HIBCH: variants seen among roughly 807,000 people sequenced by gnomAD.
HIBCH encodes 3-hydroxyisobutyryl-CoA hydrolase, mitochondrial.
A neutral mutation model predicts 58.2 loss-of-function variants in HIBCH; 50 were observed. The observed-to-expected ratio is 0.86, with a 90% CI of 0.68 to 1.09. The LOEUF (loss-of-function observed/expected upper bound fraction) is 1.09. Among genes scored for constraint, HIBCH ranks in the 50% least tolerant of loss-of-function variants. The pLI, the probability that HIBCH is intolerant of heterozygous loss-of-function variation, is 0.00. For synonymous variants in HIBCH, 151 were observed against 146.9 expected (o/e 1.03, Z -0.20); for missense variants, 450 against 449.7 (o/e 1.00, Z -0.01).
At chr2:190,227,065 T>C (rs539714577) in intron 11 of HIBCH, among the ~76,000 whole-genome samples, 2 of 152,146 alleles carry the variant, frequency 1.3e-5, no homozygotes, top group Non-Finnish European at 2.9e-5. Flanking sequence ...CTTCACAGAA[T>C]TGGAAAAAAC....
chr2:190,239,723 C>G lies in HIBCH; in HGVS notation c.891+5164G>C, dbSNP rs370906382. Among the ~76,000 whole-genome samples the G allele has an allele frequency of 4.7e-5, 7 of 148,736 alleles. No individual in the cohort carries two copies. The East Asian group carries it at 9.9e-4, about 21-fold the overall frequency. ...GGAGTGCAATGGTATGGTCTCAGGTCACTGCAACCTCCGCCTCCTGGGCTC... is the reference window on the plus strand; with the variant it reads ...GGAGTGCAATGGTATGGTCTCAGGTGACTGCAACCTCCGCCTCCTGGGCTC... On this transcript the variant is annotated intron_variant, in intron 11 of 13. Transcript: ENST00000359678.
At chr2:190,200,169 T>C (rs1407407458), downstream of HIBCH, 1 of 1,602,134 alleles carries the variant, frequency 6.2e-7, no homozygotes, top group Non-Finnish European at 8.5e-7. Flanking sequence ...TGACAACACT[T>C]TGACTGTGGA....
At chr2:190,278,656 G>C (rs566169223) in intron 6 of HIBCH, among the ~76,000 whole-genome samples, 1 of 147,168 alleles carries the variant, frequency 6.8e-6, no homozygotes, top group Non-Finnish European at 1.5e-5. Context: ...CTTCACATTG[G>C]TAACACCAGG....
intron 5 of HIBCH, among the ~76,000 whole-genome samples, chr2:190,288,174 T>TAAAAAA (rs72480573): frequency 0.016 from 2,355 of 144,882 alleles, 78 homozygotes; most frequent in African/African-American, 0.043. Flanking sequence ...TTTTTTTTTT[T>TAAAAAA]AAAAAAAGGA....
At chr2:190,201,937 C>T (rs1384379315), downstream of HIBCH, 1 of 166,920 alleles carries the variant, frequency 6.0e-6, no homozygotes, top group African/African-American at 2.4e-5. Flanking sequence ...CACACCAAGA[C>T]ATTTTTGCTG....
chr2:190,226,125 T>C (rs1575705369), intron 11 of HIBCH, among the ~76,000 whole-genome samples: 1 of 152,298 alleles, frequency 6.6e-6, no homozygotes, highest in African/African-American at 2.4e-5. Context: ...ATCAGAGCTA[T>C]TTATGACAAA....
chr2:190,225,285 G>A (rs999435757), intron 11 of HIBCH, among the ~76,000 whole-genome samples: 14 of 152,220 alleles, frequency 9.2e-5, no homozygotes, highest in African/African-American at 3.4e-4. Flanking sequence ...AGAACTGAAG[G>A]AAATAGAGAC....
intron 6 of HIBCH, among the ~76,000 whole-genome samples, chr2:190,261,693 TCTTTGA>T (rs1687091662): frequency 6.6e-6 from 1 of 152,204 alleles, no homozygotes; most frequent in Non-Finnish European, 1.5e-5. Context: ...CTAGCTGACC[TCTTTGA>T]CTTTATCTCC....
At chr2:190,301,904 C>T (rs1241853173) in intron 2 of HIBCH, among the ~76,000 whole-genome samples, 5 of 152,168 alleles carry the variant, frequency 3.3e-5, no homozygotes, top group Non-Finnish European at 7.3e-5. Flanking sequence ...GGGGTGCTCA[C>T]GACTTACCAC....
chr2:190,213,939 A>AAT (rs1200892655), intron 11 of HIBCH: 1 of 152,168 alleles, frequency 6.6e-6, no homozygotes, highest in Non-Finnish European at 1.5e-5. Flanking sequence ...ACCGTCATTA[A>AAT]AAGTCTCGCT....
In HIBCH at chr2:190,207,828, C is replaced by G. The variant is rs1466126970; in HGVS notation, c.1045+1052G>C. 6.6e-6 allele frequency among the ~76,000 whole-genome samples: 1 copy of G among 151,980 alleles called. No homozygotes were observed. Among genetic ancestry groups the G allele is most frequent in the Admixed American group, 6.6e-5 (1 of 15,262 alleles). On this transcript the variant is annotated intron_variant, in intron 13 of 13. Coordinates refer to ENST00000359678, the MANE Select transcript of HIBCH (RefSeq NM_014362.4). The surrounding 1 kb of genome is among the most constrained non-coding windows in gnomAD (Gnocchi z 4.5). ...CCTGGGAGGTGGAGGTTGCAGTAAGCCGAAAGTGCACCACTGCACTCCAGC... is the reference window on the plus strand; with the variant it reads ...CCTGGGAGGTGGAGGTTGCAGTAAGGCGAAAGTGCACCACTGCACTCCAGC...
chr2:190,311,282 G>A (rs935851648), intron 1 of HIBCH, among the ~76,000 whole-genome samples: 5 of 152,146 alleles, frequency 3.3e-5, no homozygotes, highest in Admixed American at 1.3e-4. Flanking sequence ...TTTGGGGGAC[G>A]GAAGGAGGGA....
chr2:190,293,937 TAAAGAG>T (rs1484361642), intron 4 of HIBCH, among the ~76,000 whole-genome samples: 2 of 149,846 alleles, frequency 1.3e-5, no homozygotes, highest in African/African-American at 4.9e-5. Flanking sequence ...TTATGAAAAA[TAAAGAG>T]AGTTTCTCTT....
intron 2 of HIBCH, 54 bp downstream of exon 2, chr2:190,310,700 A>G (rs1559066439): frequency 1.5e-6 from 2 of 1,369,840 alleles, no homozygotes; most frequent in Admixed American, 1.7e-5. Flanking sequence ...TCTAACAATG[A>G]CATTTTAAGT....
rs546991609 is a variant in HIBCH at position 190,227,497 on chromosome 2, G to A, written c.892-14422C>T. The stretch of plus-strand genomic sequence containing the variant: ...AGAAAACCTAGGCAATACCATTCAG[G>A]CCATAGGCATGGGCAAGGACTTCAT... On this transcript the variant is annotated intron_variant, in intron 11 of 13. Coordinates refer to ENST00000359678, the MANE Select transcript of HIBCH (RefSeq NM_014362.4). 6.6e-5 allele frequency among the ~76,000 whole-genome samples: 10 copies of A among 152,230 alleles called. No individual in the cohort carries two copies. The South Asian group carries it at 1.9e-3, about 28-fold the overall frequency.
rs546469240 is a variant in HIBCH, at chr2:190,227,322, T to C, written c.892-14247A>G. ...GTGACAAAAAGAAGAAATGGGGAAA[T>C]GATTCCCTATTTAATAAATGGTGCT... On this transcript the variant is annotated intron_variant, in intron 11 of 13. Coordinates refer to ENST00000359678, the MANE Select transcript of HIBCH (RefSeq NM_014362.4). 2.0e-5 allele frequency among the ~76,000 whole-genome samples: 3 copies of C among 152,210 alleles called. No homozygotes were observed. The East Asian group carries it at 5.8e-4, about 29-fold the overall frequency.
At chr2:190,256,458 AT>A (rs1336598486) in intron 7 of HIBCH, among the ~76,000 whole-genome samples, 13 of 151,256 alleles carry the variant, frequency 8.6e-5, no homozygotes, top group South Asian at 2.1e-4. Context: ...AAAAAAAAAA[AT>A]AATAATAATA....
chr2:190,250,797 T>C (rs1308859179), intron 8 of HIBCH, among the ~76,000 whole-genome samples: 1 of 152,182 alleles, frequency 6.6e-6, no homozygotes, highest in African/African-American at 2.4e-5. Context: ...TCTGTAACAG[T>C]GTGAGAAACA....
chr2:190,237,406 A>G (rs905749977), intron 11 of HIBCH, among the ~76,000 whole-genome samples: 1 of 152,202 alleles, frequency 6.6e-6, no homozygotes, highest in South Asian at 2.1e-4. Context: ...TTCTTAGAGA[A>G]GTAGTATTCC....
Sources: gnomAD v4.1 joint callset for allele counts (sites outside exome capture counted in the v4.1 genomes callset) on GRCh38, gnomAD v4.1.1 for gene constraint, Gnocchi (gnomAD v3.1) non-coding constraint, MANE v1.5 for transcripts, NCBI Gene and HGNC (gene_info 2026-07-23, HGNC 2026-07-21) for gene names.